Variants in RBMS3 observed in about 807,000 individuals in gnomAD.
The protein encoded by RBMS3 is RNA binding motif single stranded interacting protein 3, also known as RNA-binding motif, single-stranded-interacting protein 3.
RBMS3 carries 27 observed loss-of-function variants against 66.8 expected under a neutral mutation model. The ratio of observed to expected loss-of-function variants is 0.40; its 90% CI spans 0.30 to 0.56. RBMS3 has a LOEUF of 0.56. RBMS3 is among the 20% of genes least tolerant of loss of function. RBMS3 has a pLI of 0.40. For synonymous variants in RBMS3, 188 were observed against 183.0 expected (o/e 1.03, Z -0.22); for missense variants, 513 against 549.5 (o/e 0.93, Z 0.66).
At chr3:29,802,142 A>G (rs2057408895) in intron 6 of RBMS3, among the ~76,000 whole-genome samples, 1 of 152,116 alleles carries the variant, frequency 6.6e-6, no homozygotes, top group Non-Finnish European at 1.5e-5. Flanking sequence ...CTCTTGCTCT[A>G]CTGTTAAAAC....
At chr3:29,594,727 T>C (rs1240924438) in intron 4 of RBMS3, among the ~76,000 whole-genome samples, 1 of 152,216 alleles carries the variant, frequency 6.6e-6, no homozygotes, top group Non-Finnish European at 1.5e-5. Context: ...GCTCAGTTTT[T>C]TTCCTGATCC....
chr3:29,855,776 G>T (rs1275998869), intron 6 of RBMS3, among the ~76,000 whole-genome samples: 2 of 152,196 alleles, frequency 1.3e-5, no homozygotes, highest in Non-Finnish European at 2.9e-5. Flanking sequence ...CTGTTGTGGA[G>T]CCATAGGACA....
intron 3 of RBMS3, among the ~76,000 whole-genome samples, chr3:29,573,668 AT>A (rs1180424313): frequency 1.3e-5 from 2 of 151,088 alleles, no homozygotes; most frequent in Non-Finnish European, 3.0e-5. Context: ...CTTTATTTGA[AT>A]TTTTTCTTAT....
intron 1 of RBMS3, among the ~76,000 whole-genome samples, chr3:29,344,046 G>A (rs2036432853): frequency 6.6e-6 from 1 of 152,190 alleles, no homozygotes; most frequent in South Asian, 2.1e-4. Flanking sequence ...TTTGGACTTA[G>A]ATCTCTTTCC....
chr3:29,738,564 T>C (rs751304853), intron 4 of RBMS3, among the ~76,000 whole-genome samples: 2 of 152,222 alleles, frequency 1.3e-5, no homozygotes, highest in Non-Finnish European at 2.9e-5. Flanking sequence ...TTAAGCATTA[T>C]TGGTGCTGAA....
intron 4 of RBMS3, among the ~76,000 whole-genome samples, chr3:29,688,077 T>C (rs2051813528): frequency 6.6e-6 from 1 of 152,154 alleles, no homozygotes; most frequent in Non-Finnish European, 1.5e-5. Context: ...TCTACTCCAA[T>C]TGCAAATTGC....
At chr3:30,000,109 C>T (rs760533983) in intron 14 of RBMS3, among the ~76,000 whole-genome samples, 12 of 151,956 alleles carry the variant, frequency 7.9e-5, no homozygotes, top group Non-Finnish European at 1.3e-4. Flanking sequence ...GAACAGGCAA[C>T]GTACAGAATG....
intron 6 of RBMS3, among the ~76,000 whole-genome samples, chr3:29,801,623 A>AT (rs1373268203): frequency 2.0e-5 from 3 of 152,194 alleles, no homozygotes; most frequent in African/African-American, 4.8e-5. Context: ...TATTTCATTT[A>AT]TTTTTTCTTC....
intron 1 of RBMS3, among the ~76,000 whole-genome samples, chr3:29,314,960 G>A (rs555115591): frequency 6.6e-6 from 1 of 151,666 alleles, no homozygotes; most frequent in African/African-American, 2.4e-5. Context: ...ACCCAGGATT[G>A]GGAAACATTC....
chr3:29,489,617 A>G (rs1177259014), intron 3 of RBMS3, among the ~76,000 whole-genome samples: 1 of 151,676 alleles, frequency 6.6e-6, no homozygotes. Context: ...TTAGAGGAGA[A>G]CATAGAGATT....
intron 4 of RBMS3, chr3:29,696,982 T>G: frequency 1.0e-6 from 1 of 985,250 alleles, no homozygotes; most frequent in Non-Finnish European, 1.2e-6. Context: ...CTAGTAGTTG[T>G]GATTTCTCCA....
intron 1 of RBMS3, among the ~76,000 whole-genome samples, chr3:29,327,789 T>G (rs2125506177): frequency 6.6e-6 from 1 of 152,280 alleles, no homozygotes; most frequent in South Asian, 2.1e-4. Context: ...CCCTGTTTCC[T>G]AGGTCCTAAT....
At chr3:29,895,693 A>G (rs2060110224) in intron 8 of RBMS3, among the ~76,000 whole-genome samples, 1 of 151,536 alleles carries the variant, frequency 6.6e-6, no homozygotes, top group Non-Finnish European at 1.5e-5. Flanking sequence ...GTCTGTATAA[A>G]CATTTGGATT....
At chr3:29,290,512 C>T (rs2032725847) in intron 1 of RBMS3, among the ~76,000 whole-genome samples, 1 of 151,812 alleles carries the variant, frequency 6.6e-6, no homozygotes, top group Non-Finnish European at 1.5e-5. Flanking sequence ...CCCTGGTATC[C>T]TGTCCATTAC....
At chr3:29,361,753 A>G (rs1431857814) in intron 1 of RBMS3, among the ~76,000 whole-genome samples, 3 of 152,048 alleles carry the variant, frequency 2.0e-5, no homozygotes, top group Non-Finnish European at 4.4e-5. Context: ...ATTTCTTTTT[A>G]TTCTTTTTTC....
intron 4 of RBMS3, among the ~76,000 whole-genome samples, chr3:29,663,653 A>C (rs1401464007): frequency 1.3e-5 from 2 of 152,228 alleles, no homozygotes. Flanking sequence ...CGAGAAGACT[A>C]TACTATCTAA....
At chr3:29,521,776 A>T (rs1423721904) in intron 3 of RBMS3, among the ~76,000 whole-genome samples, 1 of 152,236 alleles carries the variant, frequency 6.6e-6, no homozygotes, top group Non-Finnish European at 1.5e-5. Flanking sequence ...CAGCGAAGGC[A>T]TCACTTGCTC....
At chr3:29,304,640 C>T (rs1410416335) in intron 1 of RBMS3, among the ~76,000 whole-genome samples, 1 of 151,984 alleles carries the variant, frequency 6.6e-6, no homozygotes, top group African/African-American at 2.4e-5. Flanking sequence ...CCGCAGCACT[C>T]TCCACAAGAA....
intron 6 of RBMS3, among the ~76,000 whole-genome samples, chr3:29,785,847 T>C (rs1000035090): frequency 3.3e-5 from 5 of 151,824 alleles, no homozygotes; most frequent in Non-Finnish European, 7.4e-5. Flanking sequence ...GCCAGAACAA[T>C]CAAACAAGAG....
Sources: gnomAD v4.1 joint callset for allele counts (sites outside exome capture counted in the v4.1 genomes callset) on GRCh38, gnomAD v4.1.1 for gene constraint, MANE v1.5 for transcripts, NCBI Gene and HGNC (gene_info 2026-07-23, HGNC 2026-07-21) for gene names.